RORB: variants seen among roughly 807,000 people sequenced by gnomAD.
RORB encodes the protein nuclear receptor ROR-beta.
RORB carries 6 observed loss-of-function variants against 59.1 expected under a neutral mutation model. The observed-to-expected ratio is 0.10, with a 90% CI of 0.06 to 0.20. The LOEUF is 0.20. RORB is among the 10% of genes least tolerant of loss of function. RORB has a pLI of 1.00. For missense variants in RORB, 320 were observed against 560.5 expected (o/e 0.57, Z 4.33); for synonymous variants, 215 against 204.5 (o/e 1.05, Z -0.44).
At chr9:74,683,425 A>G (rs538319935) in intron 9 of RORB, among the ~76,000 whole-genome samples, 15 of 152,260 alleles carry the variant, frequency 9.9e-5, no homozygotes, top group Admixed American at 5.2e-4. Context: ...GTCTTTCAGA[A>G]TGGGACTCTG....
chr9:74,577,867 T>A (rs1486046099), intron 1 of RORB, among the ~76,000 whole-genome samples: 1 of 152,138 alleles, frequency 6.6e-6, no homozygotes, highest in African/African-American at 2.4e-5. Flanking sequence ...TTTGTTCAAT[T>A]TGGTTTCTTA....
chr9:74,645,626 T>TTA (rs1411372599), intron 4 of RORB, among the ~76,000 whole-genome samples: 3 of 152,194 alleles, frequency 2.0e-5, no homozygotes, highest in Non-Finnish European at 2.9e-5. Flanking sequence ...TGACTATTAG[T>TTA]ATCACTGGTT....
At chr9:74,519,019 T>C (rs1351272366) in intron 1 of RORB, among the ~76,000 whole-genome samples, 2 of 151,974 alleles carry the variant, frequency 1.3e-5, no homozygotes, top group Admixed American at 6.6e-5. Flanking sequence ...TGGCTGTTCT[T>C]GAATGCTATG....
chr9:74,606,984 T>C (rs1225260875), intron 1 of RORB, among the ~76,000 whole-genome samples: 1 of 152,224 alleles, frequency 6.6e-6, no homozygotes, highest in Non-Finnish European at 1.5e-5. Flanking sequence ...GAGATAGGAA[T>C]GCTTTTGGTA....
chr9:74,649,167 C>T (rs1156473083), intron 4 of RORB, among the ~76,000 whole-genome samples: 1 of 152,002 alleles, frequency 6.6e-6, no homozygotes, highest in Non-Finnish European at 1.5e-5. Context: ...CTAGGCTGGT[C>T]TTGAACTCCT....
At position 74,685,573 on chromosome 9, in the gene RORB, A is replaced by G. The variant is rs1824627366; in HGVS notation, c.1335A>G (p.Leu445=). Reference sequence around the variant, plus strand: ...TAGTGAATACACTGTTTCCTCCGTTATACAAGGAGCTCTTTAATCCTGACT... The same window carrying G: ...TAGTGAATACACTGTTTCCTCCGTTGTACAAGGAGCTCTTTAATCCTGACT... The part of the protein sequence containing the change: ...PEIVNTLFPP[L]YKELFNPDCA... Residue 445 remains leucine (L), a synonymous_variant, in exon 10 of 10, where the codon TTA becomes TTG. Transcript: ENST00000376896. 6.2e-7 allele frequency: 1 copy of G among 1,611,706 alleles called. No homozygotes were observed. Among genetic ancestry groups the G allele is most frequent in the Non-Finnish European group, 8.5e-7 (1 of 1,178,180 alleles).
At chr9:74,546,912 A>G (rs1159462422) in intron 1 of RORB, among the ~76,000 whole-genome samples, 1 of 152,054 alleles carries the variant, frequency 6.6e-6, no homozygotes, top group Non-Finnish European at 1.5e-5. Context: ...GGCCAACATG[A>G]TGAGACCCTG....
intron 1 of RORB, among the ~76,000 whole-genome samples, chr9:74,541,523 C>T (rs1826407937): frequency 6.6e-6 from 1 of 152,132 alleles, no homozygotes; most frequent in South Asian, 2.1e-4. Flanking sequence ...CCTCCCTTCA[C>T]TTTCTTAAAC....
intron 1 of RORB, among the ~76,000 whole-genome samples, chr9:74,600,345 T>C (rs1823036259): frequency 6.6e-6 from 1 of 152,268 alleles, no homozygotes; most frequent in Non-Finnish European, 1.5e-5. Flanking sequence ...TGATGGTGTC[T>C]TTAATCACAT....
At chr9:74,643,568 G>A (rs1823845837) in intron 4 of RORB, among the ~76,000 whole-genome samples, 1 of 152,166 alleles carries the variant, frequency 6.6e-6, no homozygotes, top group African/African-American at 2.4e-5. Flanking sequence ...TCTATTAAAT[G>A]TTTAACCAGT....
At chr9:74,668,589 GTATTGTA>G (rs1394045133) in intron 8 of RORB, among the ~76,000 whole-genome samples, 1 of 152,168 alleles carries the variant, frequency 6.6e-6, no homozygotes, top group Non-Finnish European at 1.5e-5. Context: ...CATGTTAAAT[GTATTGTA>G]TACTGTATTC....
Position 74,659,396 on chromosome 9 carries a change from T to C in RORB, c.638-1221T>C, listed in dbSNP as rs1204436762. The stretch of plus-strand genomic sequence containing the variant: ...CGCAACCTGAAATACAAGAAAATTT[T>C]ATTTTCAACTAGTGTTCAACTAGCA... On this transcript the variant is annotated intron_variant, in intron 4 of 9. Transcript: ENST00000376896. Among the ~76,000 whole-genome samples the C allele has an allele frequency of 1.3e-5, 2 of 152,168 alleles. 1 individual carries two copies. The highest frequency in any genetic ancestry group is 4.1e-4 in the South Asian group (2 of 4,834).
At chr9:74,528,597 T>A (rs1221618935) in intron 1 of RORB, among the ~76,000 whole-genome samples, 1 of 152,040 alleles carries the variant, frequency 6.6e-6, no homozygotes, top group Non-Finnish European at 1.5e-5. Context: ...ACTGTGAGCC[T>A]AATTGGGTTT....
At chr9:74,571,110 T>C (rs1365967655) in intron 1 of RORB, among the ~76,000 whole-genome samples, 3 of 152,106 alleles carry the variant, frequency 2.0e-5, no homozygotes, top group Non-Finnish European at 4.4e-5. Flanking sequence ...ACTGTAGTTA[T>C]TGGTGACATC....
intron 1 of RORB, among the ~76,000 whole-genome samples, chr9:74,576,725 G>C (rs934780947): frequency 1.2e-4 from 19 of 152,062 alleles, no homozygotes; most frequent in African/African-American, 4.6e-4. Flanking sequence ...TATTTTGAAA[G>C]CCTTTTTTAG....
At chr9:74,680,534 G>T (rs1824530056) in intron 9 of RORB, among the ~76,000 whole-genome samples, 1 of 152,180 alleles carries the variant, frequency 6.6e-6, no homozygotes, top group South Asian at 2.1e-4. Context: ...AGGGTAGAAA[G>T]TACAGGCACT....
chr9:74,528,393 C>G (rs1885966), intron 1 of RORB, among the ~76,000 whole-genome samples: 1 of 152,042 alleles, frequency 6.6e-6, no homozygotes, highest in Non-Finnish European at 1.5e-5. Context: ...GCATCAACGT[C>G]TCAAGTGTCT....
intron 9 of RORB, among the ~76,000 whole-genome samples, chr9:74,676,330 C>T (rs1824440934): frequency 6.6e-6 from 1 of 152,184 alleles, no homozygotes; most frequent in Non-Finnish European, 1.5e-5. Context: ...TGTGTTCTTG[C>T]CCAAAGCTGT....
intron 1 of RORB, among the ~76,000 whole-genome samples, chr9:74,598,842 T>C (rs532415073): frequency 1.3e-5 from 2 of 152,332 alleles, no homozygotes; most frequent in Non-Finnish European, 2.9e-5. Flanking sequence ...GGTATGACCC[T>C]GGCTTCTGAT....
Sources: allele counts gnomAD v4.1 joint callset (sites outside exome capture counted in the v4.1 genomes callset), GRCh38; gene constraint gnomAD v4.1.1; transcripts MANE v1.5; gene names NCBI Gene and HGNC (gene_info 2026-07-23, HGNC 2026-07-21).